The following SGCZ variants were observed in gnomAD, a reference collection of about 807,000 sequenced individuals.
SGCZ encodes sarcoglycan zeta.
Under a neutral mutation model 41.3 loss-of-function variants are expected in SGCZ, and 40 were observed. The observed-to-expected ratio is 0.97, with a 90% CI of 0.75 to 1.26. The LOEUF is 1.26. SGCZ is among the 50% of genes most tolerant of loss of function. The pLI, the probability that SGCZ is intolerant of heterozygous loss-of-function variation, is 0.00. For missense variants in SGCZ, 552 were observed against 369.8 expected (o/e 1.49, Z -4.04); for synonymous variants, 206 against 137.5 (o/e 1.50, Z -3.49).
intron 1 of SGCZ, among the ~76,000 whole-genome samples, chr8:15,227,116 G>A (rs1257063410): frequency 6.6e-6 from 1 of 152,160 alleles, no homozygotes; most frequent in African/African-American, 2.4e-5. Flanking sequence ...AGAGAAAGGT[G>A]GGAGGTGCCC....
intron 1 of SGCZ, among the ~76,000 whole-genome samples, chr8:14,955,603 T>C (rs368644730): frequency 1.3e-4 from 20 of 152,210 alleles, no homozygotes; most frequent in Admixed American, 2.0e-4. Flanking sequence ...ACTGGGTATA[T>C]AATGGAATCA....
At chr8:14,729,084 G>C (rs2036819) in intron 1 of SGCZ, among the ~76,000 whole-genome samples, 57,839 of 151,960 alleles carry the variant, frequency 0.38, 12,884 homozygotes, top group African/African-American at 0.62. Context: ...ATATTACCAT[G>C]TGACAAATTG....
chr8:15,098,499 A>G (rs1220331103), intron 1 of SGCZ, among the ~76,000 whole-genome samples: 1 of 152,198 alleles, frequency 6.6e-6, no homozygotes, highest in Non-Finnish European at 1.5e-5. Context: ...TTGCTCCACA[A>G]TTTACAGAAG....
At chr8:14,867,901 C>T (rs552973490) in intron 1 of SGCZ, among the ~76,000 whole-genome samples, 25 of 150,908 alleles carry the variant, frequency 1.7e-4, no homozygotes, top group African/African-American at 5.9e-4. Context: ...GTACTTGTGC[C>T]CCTGAACTTA....
intron 3 of SGCZ, among the ~76,000 whole-genome samples, chr8:14,320,912 A>G (rs1801896380): frequency 6.6e-6 from 1 of 152,080 alleles, no homozygotes; most frequent in Non-Finnish European, 1.5e-5. Context: ...TTTGCTGGTT[A>G]GAAGTAGTTA....
intron 3 of SGCZ, among the ~76,000 whole-genome samples, chr8:14,265,775 A>C (rs576272535): frequency 3.4e-4 from 51 of 152,002 alleles, no homozygotes; most frequent in African/African-American, 9.6e-4. Context: ...TAACAGAGAG[A>C]ATGAAATAAA....
At chr8:14,573,488 G>A (rs1018431478) in intron 1 of SGCZ, among the ~76,000 whole-genome samples, 6 of 152,004 alleles carry the variant, frequency 3.9e-5, no homozygotes, top group African/African-American at 1.4e-4. Context: ...GCGCCCGGCC[G>A]CAAGTCTTTT....
At chr8:14,687,234 T>G (rs1368653270) in intron 1 of SGCZ, among the ~76,000 whole-genome samples, 1 of 150,578 alleles carries the variant, frequency 6.6e-6, no homozygotes, top group Non-Finnish European at 1.5e-5. Context: ...AGGGTACATG[T>G]GCACAATGTG....
chr8:14,177,675 A>ATTTTTTTTTTTTTTTTTTTTT, intron 4 of SGCZ, among the ~76,000 whole-genome samples: 1 of 111,338 alleles, frequency 9.0e-6, no homozygotes, highest in Non-Finnish European at 1.8e-5. Flanking sequence ...ACGCCCTGCT[A>ATTTTTTTTTTTTTTTTTTTTT]TTTTTTTTTT....
intron 1 of SGCZ, among the ~76,000 whole-genome samples, chr8:14,584,329 T>C (rs974395896): frequency 6.6e-6 from 1 of 152,134 alleles, no homozygotes; most frequent in African/African-American, 2.4e-5. Context: ...TATGGTTGTG[T>C]GGTAAGTAGG....
At chr8:14,249,512 G>A (rs984400153) in intron 3 of SGCZ, among the ~76,000 whole-genome samples, 3 of 152,142 alleles carry the variant, frequency 2.0e-5, no homozygotes, top group Non-Finnish European at 4.4e-5. Flanking sequence ...ATGCATGAAT[G>A]CTAAGCAACA....
At chr8:14,599,418 A>G (rs974567440) in intron 1 of SGCZ, among the ~76,000 whole-genome samples, 3 of 152,298 alleles carry the variant, frequency 2.0e-5, no homozygotes, top group Admixed American at 6.5e-5. Flanking sequence ...TCTCAGGTAA[A>G]TGTGGAAAGT....
chr8:14,185,631 T>A (rs1029017710), intron 4 of SGCZ, among the ~76,000 whole-genome samples: 7 of 152,310 alleles, frequency 4.6e-5, no homozygotes, highest in African/African-American at 1.7e-4. Context: ...CATATTCTCT[T>A]GACTTTTCTT....
At chr8:14,499,779 C>T (rs1384337960) in intron 2 of SGCZ, among the ~76,000 whole-genome samples, 1 of 145,280 alleles carries the variant, frequency 6.9e-6, no homozygotes, top group Non-Finnish European at 1.6e-5. Flanking sequence ...AGATATATAT[C>T]AACTGCCTTC....
chr8:14,667,300 G>C (rs991801630), intron 1 of SGCZ, among the ~76,000 whole-genome samples: 2 of 152,070 alleles, frequency 1.3e-5, no homozygotes, highest in South Asian at 4.1e-4. Context: ...AAGTTATTTG[G>C]CTCCTAGAGA....
At chr8:14,139,533 A>G (rs1234047947) in intron 5 of SGCZ, among the ~76,000 whole-genome samples, 2 of 152,204 alleles carry the variant, frequency 1.3e-5, no homozygotes, top group African/African-American at 4.8e-5. Context: ...CAGTAATACA[A>G]ACTACCATCA....
At chr8:14,588,572 G>T (rs1173918046) in intron 1 of SGCZ, among the ~76,000 whole-genome samples, 1 of 151,962 alleles carries the variant, frequency 6.6e-6, no homozygotes, top group African/African-American at 2.4e-5. Context: ...TGAGCAAATA[G>T]AATGTTTAAA....
intron 1 of SGCZ, among the ~76,000 whole-genome samples, chr8:15,222,771 CTGT>C (rs1801645951): frequency 6.6e-6 from 1 of 150,892 alleles, no homozygotes; most frequent in East Asian, 1.9e-4. Context: ...GTGTGTGTGT[CTGT>C]GTGTGTGTGT....
At chr8:14,257,098 G>A (rs1799491877) in intron 3 of SGCZ, among the ~76,000 whole-genome samples, 1 of 152,116 alleles carries the variant, frequency 6.6e-6, no homozygotes, top group African/African-American at 2.4e-5. Context: ...GAAGGCCAAA[G>A]TGGACAGATT....
Sources: gnomAD v4.1 joint callset for allele counts (sites outside exome capture counted in the v4.1 genomes callset) on GRCh38, gnomAD v4.1.1 for gene constraint, MANE v1.5 for transcripts, NCBI Gene and HGNC (gene_info 2026-07-23, HGNC 2026-07-21) for gene names.